Variants in USP45 observed in about 807,000 individuals in gnomAD.
The protein encoded by USP45 is ubiquitin carboxyl-terminal hydrolase 45.
In USP45, 89 loss-of-function variants were observed where a neutral mutation model predicts 95.8. That is an observed-to-expected ratio of 0.93 (90% CI 0.78 to 1.11). The LOEUF is 1.11. Among genes scored for constraint, USP45 ranks in the 50% least tolerant of loss-of-function variants. The probability of loss-of-function intolerance (pLI) is 0.00; values close to 1 mark genes in which losing one functional copy is unlikely to be tolerated. For missense variants in USP45, 898 were observed against 942.5 expected (o/e 0.95, Z 0.62); for synonymous variants, 281 against 316.2 (o/e 0.89, Z 1.18).
chr6:99,515,173 C>T (rs906099303), intron 1 of USP45: 2 of 152,462 alleles, frequency 1.3e-5, no homozygotes, highest in Admixed American at 1.3e-4. Flanking sequence ...ACGCCCAGGG[C>T]TTCTCCCGCA....
At chr6:99,464,818 T>A in intron 12 of USP45, 71 bp from the exon 13 acceptor site, 2 of 1,462,800 alleles carry the variant, frequency 1.4e-6, no homozygotes, top group Non-Finnish European at 1.8e-6. Flanking sequence ...CATCTTAAAA[T>A]TTTTGACTGA....
intron 1 of USP45, among the ~76,000 whole-genome samples, chr6:99,511,886 T>TATACAC (rs1554258042): frequency 7.0e-6 from 1 of 142,518 alleles, no homozygotes; most frequent in Non-Finnish European, 1.5e-5. Flanking sequence ...TATATATATA[T>TATACAC]ACACATAGTT....
At chr6:99,465,723 A>C (rs1029835932) in intron 11 of USP45, among the ~76,000 whole-genome samples, 3 of 152,160 alleles carry the variant, frequency 2.0e-5, no homozygotes, top group Admixed American at 6.5e-5. Flanking sequence ...AAATACTCAT[A>C]ATCTGGGACA....
At chr6:99,487,121 C>T (rs558378671) in intron 7 of USP45, among the ~76,000 whole-genome samples, 2 of 152,078 alleles carry the variant, frequency 1.3e-5, no homozygotes, top group Admixed American at 6.6e-5. Context: ...CCTCAGAAAG[C>T]GAGGCTAATT....
Position 99,460,818 on chromosome 6 carries a change from C to G in USP45, c.1308+3786G>C, listed in dbSNP as rs1265401123. On this transcript the variant is annotated intron_variant, in intron 13 of 17. Coordinates refer to ENST00000500704, the MANE Select transcript of USP45 (RefSeq NM_001346022.3). ...GGTTTCAGCAATTCCATAATAACAC[C>G]TTTTATAATAACTAAAAAGAAAACA... 5 of 983,998 alleles carry G rather than the reference C, an allele frequency of 5.1e-6. No individual in the cohort carries two copies. The African/African-American group carries it at 7.0e-5, about 14-fold the overall frequency. The allele number at this position is 983,998 out of a possible 1,614,324, so 61.0% of individuals were successfully genotyped here.
chr6:99,489,936 G>T (rs1368262536), intron 5 of USP45, among the ~76,000 whole-genome samples: 1 of 152,130 alleles, frequency 6.6e-6, no homozygotes, highest in Non-Finnish European at 1.5e-5. Flanking sequence ...GGGTGACAGA[G>T]TGAGACTCTG....
At chr6:99,472,170 C>T (rs143810751) in intron 9 of USP45, among the ~76,000 whole-genome samples, 135 of 151,580 alleles carry the variant, frequency 8.9e-4, no homozygotes, top group African/African-American at 3.1e-3. Context: ...AGAAAAAAAA[C>T]CCCAAGACAT....
In USP45 at chr6:99,488,246, T is replaced by G; in HGVS notation, c.668A>C (p.Glu223Ala). 1 of 1,612,770 alleles carries G rather than the reference T, an allele frequency of 6.2e-7. No homozygotes were observed. The highest frequency in any genetic ancestry group is 8.5e-7 in the Non-Finnish European group (1 of 1,179,592). Residue 223 changes from glutamate (E) to alanine (A), a missense_variant, in exon 7 of 18, where the codon GAA (glutamate) becomes GCA (alanine). By Grantham distance (107) the Glu-to-Ala change is moderately radical. Coordinates refer to ENST00000500704, the MANE Select transcript of USP45 (RefSeq NM_001346022.3). ...AAAAATCTTGAGTTTTGTACTACTT[T>G]CTTTGATCTCATTCATCAGATCAGT... Reference protein sequence around the residue: ...TLTDLMNEIKESSTKLKIFPS... With the variant: ...TLTDLMNEIKASSTKLKIFPS...
At chr6:99,486,512 T>C (rs1793911610) in intron 7 of USP45, among the ~76,000 whole-genome samples, 1 of 152,032 alleles carries the variant, frequency 6.6e-6, no homozygotes, top group South Asian at 2.1e-4. Flanking sequence ...CATTGGAATC[T>C]ATCATTAAAT....
intron 7 of USP45, among the ~76,000 whole-genome samples, chr6:99,486,991 G>A (rs1794065218): frequency 6.6e-6 from 1 of 152,150 alleles, no homozygotes; most frequent in Admixed American, 6.6e-5. Flanking sequence ...CACGCAGCAT[G>A]GGGAACCACA....
At chr6:99,473,770 A>C (rs147082666) in intron 9 of USP45, among the ~76,000 whole-genome samples, 2 of 146,824 alleles carry the variant, frequency 1.4e-5, no homozygotes, top group Admixed American at 6.9e-5. Flanking sequence ...AAAAACAAAA[A>C]AAACAAAACA....
intron 5 of USP45, among the ~76,000 whole-genome samples, chr6:99,494,088 C>G (rs1795783195): frequency 6.6e-6 from 1 of 152,024 alleles, no homozygotes; most frequent in South Asian, 2.1e-4. Flanking sequence ...TTACCCACAC[C>G]TACAAAAAAA....
intron 8 of USP45, among the ~76,000 whole-genome samples, chr6:99,478,514 A>C (rs1045128878): frequency 6.6e-6 from 1 of 152,254 alleles, no homozygotes; most frequent in Admixed American, 6.5e-5. Flanking sequence ...ATGTACAAGC[A>C]TAAATTAGGA....
Position 99,446,273 on chromosome 6 carries a change from T to C in USP45, c.1499A>G (p.Asn500Ser), listed in dbSNP as rs144334058. The C allele has an allele frequency of 4.3e-5, 69 of 1,614,212 alleles. No individual in the cohort carries two copies. In the African/African-American group the frequency reaches 6.0e-4, roughly 14 times the overall value. Residue 500 changes from asparagine (N) to serine (S), a missense_variant, in exon 14 of 18, where the codon AAT becomes AGT. Asn to Ser is a conservative substitution (Grantham distance 46, BLOSUM62 1). Coordinates refer to ENST00000500704, the MANE Select transcript of USP45 (RefSeq NM_001346022.3). ...TGAAGGCTCACTGTCAGCATCAACA[T>C]TGCTTTCAGAATGGCTGGCTTCTTT... ...SEKEASHSESNVDADSEPSES... is the reference protein window; with the variant it reads ...SEKEASHSESSVDADSEPSES...
chr6:99,487,720 G>C (rs1046429667), intron 7 of USP45, among the ~76,000 whole-genome samples: 2 of 151,662 alleles, frequency 1.3e-5, no homozygotes, highest in Non-Finnish European at 2.9e-5. Context: ...GCATAAACCC[G>C]GGAGGCGGAG....
In USP45 at chr6:99,473,525, G is replaced by A. The variant is rs114906002; in HGVS notation, c.933+2618C>T. Among the ~76,000 whole-genome samples, 987 of 152,038 alleles carry A rather than the reference G, an allele frequency of 6.5e-3. 12 individuals are homozygous for A. Among genetic ancestry groups the A allele is most frequent in the African/African-American group, 0.023 (952 of 41,434 alleles). On this transcript the variant is annotated intron_variant, in intron 9 of 17. Transcript: ENST00000500704. The stretch of plus-strand genomic sequence containing the variant: ...ATCACAACACTGCACTGCAGCCTAA[G>A]CAACAGAGCAAGACACTGTCTAAAT...
At chr6:99,515,527 C>T (rs1217394581), upstream of USP45, 2 of 152,336 alleles carry the variant, frequency 1.3e-5, no homozygotes, top group African/African-American at 4.8e-5. Context: ...GCGCCCGGGG[C>T]CCGGGAGCGC....
At chr6:99,485,489 A>G (rs1317644021) in intron 7 of USP45, among the ~76,000 whole-genome samples, 1 of 152,238 alleles carries the variant, frequency 6.6e-6, no homozygotes, top group Non-Finnish European at 1.5e-5. Context: ...GATTCCATTT[A>G]TATGCAGTAT....
chr6:99,437,114 A>G (rs1052588575), intron 17 of USP45, 132 bp downstream of exon 17: 4 of 986,372 alleles, frequency 4.1e-6, no homozygotes, highest in Non-Finnish European at 5.9e-6. Context: ...CAATCAATCA[A>G]TCAATTAAGT....
Sources: allele counts gnomAD v4.1 joint callset (sites outside exome capture counted in the v4.1 genomes callset), GRCh38; gene constraint gnomAD v4.1.1; transcripts MANE v1.5; gene names NCBI Gene and HGNC (gene_info 2026-07-23, HGNC 2026-07-21).